The following GABRB1 variants were observed in gnomAD, a reference collection of about 807,000 sequenced individuals.
The protein encoded by GABRB1 is gamma-aminobutyric acid type A receptor subunit beta1.
A neutral mutation model predicts 51.6 loss-of-function variants in GABRB1; 17 were observed. That is an observed-to-expected ratio of 0.33 (90% CI 0.23 to 0.49). GABRB1 has a LOEUF of 0.49. Among genes scored for constraint, GABRB1 ranks in the 20% least tolerant of loss-of-function variants. The pLI, the probability that GABRB1 is intolerant of heterozygous loss-of-function variation, is 0.99. For synonymous variants in GABRB1, 247 were observed against 218.9 expected, an observed-to-expected ratio of 1.13 and a Z score of -1.14; for missense variants, 410 against 600.6, an observed-to-expected ratio of 0.68 and a Z score of 3.32.
intron 5 of GABRB1, among the ~76,000 whole-genome samples, chr4:47,376,711 G>A (rs186389610): frequency 8.5e-5 from 13 of 152,274 alleles, no homozygotes; most frequent in African/African-American, 2.9e-4. Flanking sequence ...GGGAGGAGTA[G>A]AGGCACAAGC....
chr4:47,311,245 C>CAACAACAACAACAAA (rs1375204196), intron 4 of GABRB1, among the ~76,000 whole-genome samples: 24 of 149,638 alleles, frequency 1.6e-4, no homozygotes, highest in African/African-American at 5.7e-4. Context: ...AATACAACAA[C>CAACAACAACAACAAA]AACAACAACA....
intron 3 of GABRB1, among the ~76,000 whole-genome samples, chr4:47,077,339 C>T (rs1433660353): frequency 2.0e-5 from 3 of 152,072 alleles, no homozygotes; most frequent in Admixed American, 6.6e-5. Flanking sequence ...GACTTTAGGT[C>T]ACAAAATATT....
intron 3 of GABRB1, among the ~76,000 whole-genome samples, chr4:47,155,387 G>A (rs971988190): frequency 6.6e-6 from 1 of 151,954 alleles, no homozygotes; most frequent in Admixed American, 6.6e-5. Context: ...ACATAAATAT[G>A]AACAAGGGCT....
chr4:47,046,949 A>G (rs990677252), intron 3 of GABRB1, among the ~76,000 whole-genome samples: 11 of 152,102 alleles, frequency 7.2e-5, no homozygotes, highest in Non-Finnish European at 1.3e-4. Flanking sequence ...GATGAAATAC[A>G]TGGACACATA....
chr4:47,411,627 A>G (rs576026590), intron 8 of GABRB1, among the ~76,000 whole-genome samples: 1 of 152,316 alleles, frequency 6.6e-6, no homozygotes, highest in Non-Finnish European at 1.5e-5. Flanking sequence ...CAATAAAATT[A>G]CACAGAACTA....
intron 5 of GABRB1, among the ~76,000 whole-genome samples, chr4:47,344,679 T>C (rs956269741): frequency 2.2e-4 from 34 of 152,136 alleles, no homozygotes; most frequent in Non-Finnish European, 1.3e-4. Context: ...AACCAATCTG[T>C]TACTGGCACA....
chr4:47,104,239 G>T (rs1008885359), intron 3 of GABRB1, among the ~76,000 whole-genome samples: 2 of 151,300 alleles, frequency 1.3e-5, no homozygotes, highest in Non-Finnish European at 3.0e-5. Context: ...TCTGTTGCAT[G>T]GTTTCTAATA....
chr4:47,373,181 C>T (rs1286686375), intron 5 of GABRB1, among the ~76,000 whole-genome samples: 2 of 152,148 alleles, frequency 1.3e-5, no homozygotes, highest in South Asian at 2.1e-4. Context: ...CAACATTTTC[C>T]ATTTTGACAA....
At chr4:47,262,883 G>A (rs1348215988) in intron 4 of GABRB1, among the ~76,000 whole-genome samples, 3 of 151,990 alleles carry the variant, frequency 2.0e-5, no homozygotes, top group Non-Finnish European at 4.4e-5. Flanking sequence ...ATGAGTTCAT[G>A]TCCTTTGTAG....
intron 1 of GABRB1, among the ~76,000 whole-genome samples, chr4:47,022,493 A>G (rs1170999088): frequency 1.3e-5 from 2 of 152,076 alleles, no homozygotes; most frequent in African/African-American, 4.8e-5. Flanking sequence ...AGTGTTTTAG[A>G]TGTTTTTCTT....
chr4:47,353,463 G>C (rs899303315), intron 5 of GABRB1, among the ~76,000 whole-genome samples: 1 of 152,118 alleles, frequency 6.6e-6, no homozygotes, highest in African/African-American at 2.4e-5. Context: ...AAATGCTTTT[G>C]CAAATCTTGG....
intron 8 of GABRB1, among the ~76,000 whole-genome samples, chr4:47,417,772 A>C (rs1396179282): frequency 3.9e-5 from 6 of 152,240 alleles, no homozygotes; most frequent in Admixed American, 3.9e-4. Context: ...GCTAGCAAGA[A>C]GGAAATAACT....
intron 5 of GABRB1, among the ~76,000 whole-genome samples, chr4:47,361,074 C>T (rs770638907): frequency 1.8e-4 from 28 of 152,006 alleles, no homozygotes; most frequent in Non-Finnish European, 3.8e-4. Context: ...AGAATTTAAA[C>T]CTAGTTAATT....
intron 3 of GABRB1, among the ~76,000 whole-genome samples, chr4:47,091,086 GGGATAGTTTTGGTT>G (rs1168827430): frequency 1.3e-5 from 2 of 151,506 alleles, no homozygotes; most frequent in African/African-American, 4.9e-5. Context: ...CCAGTGTCTG[GGGATAGTTTTGGTT>G]GTCGCATCTA....
chr4:47,056,201 G>A (rs912792339), intron 3 of GABRB1, among the ~76,000 whole-genome samples: 8 of 152,158 alleles, frequency 5.3e-5, no homozygotes, highest in African/African-American at 1.7e-4. Context: ...TACAGAATAA[G>A]AGCAAAAACT....
chr4:47,425,836 G>C lies in GABRB1; in HGVS notation c.1243G>C (p.Gly415Arg). Residue 415 changes from glycine (G) to arginine (R), a missense_variant, in exon 9 of 9, where the codon GGG (glycine) becomes CGG (arginine). Gly to Arg is a moderately radical substitution (Grantham distance 125). This residue lies in a region of GABRB1 where 181 missense variants were observed against 195.6 expected (regional missense o/e 0.93). Transcript: ENST00000295454. ...GCCCCTGAGCAGCCGCGAGGCCTAC[G>C]GGCGCGCCCTGGACCGGCACGGGGT... ...RKPLSSREAY[G>R]RALDRHGVPS... The C allele has an allele frequency of 1.1e-5, 17 of 1,613,992 alleles. No individual in the cohort carries two copies. The highest frequency in any genetic ancestry group is 1.4e-5 in the Non-Finnish European group (17 of 1,179,998).
At chr4:47,142,901 C>T (rs12509369) in intron 3 of GABRB1, among the ~76,000 whole-genome samples, 59,070 of 151,462 alleles carry the variant, frequency 0.39, 11,810 homozygotes, top group African/African-American at 0.45. Flanking sequence ...ATGTATATTA[C>T]GAAACAAATA....
intron 4 of GABRB1, among the ~76,000 whole-genome samples, chr4:47,260,423 G>A (rs192790654): frequency 5.3e-5 from 8 of 152,202 alleles, no homozygotes; most frequent in African/African-American, 7.2e-5. Context: ...TCCTAGCCTC[G>A]ATGGTCTTTA....
chr4:47,403,486 G>T lies in GABRB1; in HGVS notation c.682+31G>T, dbSNP rs201347716. 5.4e-5 allele frequency: 87 copies of T among 1,613,504 alleles called. 1 individual carries two copies. The East Asian group carries it at 1.5e-3, about 27-fold the overall frequency. ...GTTGTTTCCCCCAAAATGTACTAGG[G>T]GTGCTGTGAAAGGAAGAAGATGGTT... On this transcript the variant is annotated intron_variant, in intron 6 of 8. Coordinates refer to ENST00000295454, the MANE Select transcript of GABRB1 (RefSeq NM_000812.4).
Sources: allele counts gnomAD v4.1 joint callset (sites outside exome capture counted in the v4.1 genomes callset), GRCh38; gene constraint gnomAD v4.1.1; regional missense constraint gnomAD v4.1.1; transcripts MANE v1.5; gene names NCBI Gene and HGNC (gene_info 2026-07-23, HGNC 2026-07-21).